The following SUN2 variants were observed in gnomAD, a reference collection of about 807,000 sequenced individuals.
SUN2 encodes the protein SUN domain-containing protein 2.
In SUN2, 60 loss-of-function variants were observed where a neutral mutation model predicts 100.0. The observed-to-expected ratio is 0.60, with a 90% confidence interval of 0.49 to 0.74. The LOEUF (loss-of-function observed/expected upper bound fraction) is 0.74. SUN2 is among the 30% of genes least tolerant of loss of function. SUN2 has a pLI of 0.00. For synonymous variants in SUN2, 367 were observed against 403.3 expected (o/e 0.91, Z 1.08); for missense variants, 834 against 954.6 (o/e 0.87, Z 1.66).
At position 38,735,150 on chromosome 22, in the gene SUN2, C is replaced by T. The variant is rs917501184; in HGVS notation, c.*1117G>A. 18 of 424,050 alleles carry T rather than the reference C, an allele frequency of 4.2e-5. No homozygotes were observed. Among genetic ancestry groups the T allele is most frequent in the Non-Finnish European group, 7.9e-5 (17 of 215,072 alleles). 26.3% of individuals were successfully genotyped at this position (424,050 alleles called of 1,614,324 possible). A position where few individuals can be genotyped will look rare whatever the true frequency, so the allele number is the denominator to read the frequency against. ...GTGGGGCCTGCTGGCTCTAAAAGTC[C>T]CCTCCTCCCCCTTCCCTATCCAGGG... On this transcript the variant is annotated 3_prime_UTR_variant, in exon 18 of 18. Transcript: ENST00000689035.
At chr22:38,736,709 T>C (rs566485033) in intron 17 of SUN2, 1 of 206,398 alleles carries the variant, frequency 4.8e-6, no homozygotes, top group African/African-American at 2.3e-5. Flanking sequence ...TGATTCTTTT[T>C]CTCCAGTGCC....
intron 8 of SUN2, 70 bp from the exon 9 acceptor site, chr22:38,742,625 G>A (rs910662554): frequency 2.4e-5 from 37 of 1,521,660 alleles, no homozygotes; most frequent in African/African-American, 5.5e-5. Flanking sequence ...AGACCACCCC[G>A]ACACAGCCAA....
intron 10 of SUN2, 100 bp from the exon 11 acceptor site, chr22:38,741,150 C>G (rs2092854098): frequency 1.5e-6 from 2 of 1,355,264 alleles, no homozygotes; most frequent in African/African-American, 1.4e-5. Context: ...TTAACCACAC[C>G]CCTGCCCAAG....
In SUN2 at chr22:38,749,808, A is replaced by G. The variant is rs2092930421; in HGVS notation, c.572T>C (p.Leu191Pro). The change falls in exon 6 of 18, where the codon CTG becomes CCG. Residue 191 changes from leucine to proline, a missense_variant. Physicochemically the swap from Leu to Pro is moderately conservative, Grantham distance 98. Transcript: ENST00000689035. ...GTCAAGGAGGGAGGCAGCTGTGGTC[A>G]GGCGGTACCAGGTGGTGCCAGCCCA... Reference protein sequence around the residue: ...YWWAGTTWYRLTTAASLLDVF... With the variant: ...YWWAGTTWYRPTTAASLLDVF... 3.1e-6 allele frequency: 5 copies of G among 1,613,984 alleles called. No homozygotes were observed. Among genetic ancestry groups the G allele is most frequent in the Admixed American group, 1.7e-5 (1 of 60,006 alleles).
intron 9 of SUN2, among the ~76,000 whole-genome samples, 151 bp downstream of exon 9, chr22:38,742,148 GAA>G (rs369861899): frequency 7.8e-6 from 1 of 127,728 alleles, no homozygotes; most frequent in African/African-American, 2.9e-5. Context: ...GTCTCAAAAA[GAA>G]AAAAAAAAAA....
Position 38,739,101 on chromosome 22 carries a change from T to A in SUN2, c.1664-113A>T. On this transcript the variant is annotated intron_variant, in intron 14 of 17. Coordinates refer to ENST00000689035, the MANE Select transcript of SUN2 (RefSeq NM_015374.3). The surrounding 1 kb of genome is among the most constrained non-coding windows in gnomAD (Gnocchi z 6.7). ...CGGCAGATGCCCCAGGCCTAGCCTT[T>A]AACCCTAACCGAGATGCTCAGAGCA... 9.0e-7 allele frequency: 1 copy of A among 1,112,564 alleles called. No individual in the cohort carries two copies. Among genetic ancestry groups the A allele is most frequent in the Non-Finnish European group, 1.3e-6 (1 of 754,344 alleles). The allele number at this position is 1,112,564 out of a possible 1,614,324, so 68.9% of individuals were successfully genotyped here. A position where few individuals can be genotyped will look rare whatever the true frequency, so the allele number is the denominator to read the frequency against.
In SUN2 at chr22:38,741,480, G is replaced by T. The variant is rs377107390; in HGVS notation, c.1146+14C>A. On this transcript the variant is annotated intron_variant, in intron 10 of 17. Transcript: ENST00000689035. ...GACCCAGTCACAGGCCCTGAGTGCC[G>T]CAAGCCCGCTGACCTGGGAGGCCCG... is the stretch of plus-strand genomic sequence containing the variant. The T allele has an allele frequency of 8.1e-6, 13 of 1,613,094 alleles. No homozygotes were observed. The Admixed American group carries it at 1.5e-4, about 19-fold the overall frequency.
Position 38,740,195 on chromosome 22 carries a change from T to G in SUN2, c.1356+72A>C. The G allele has an allele frequency of 6.9e-7, 1 of 1,451,742 alleles. No individual in the cohort carries two copies. The highest frequency in any genetic ancestry group is 9.1e-7 in the Non-Finnish European group (1 of 1,099,344). 89.9% of individuals were successfully genotyped at this position (1,451,742 alleles called of 1,614,324 possible). The stretch of plus-strand genomic sequence containing the variant: ...GCTGCAGGGGCAAGGGGTGCTGCTT[T>G]GCAGGCCCCAGGACACGTCGTCTCA... On this transcript the variant is annotated intron_variant, in intron 12 of 17. Coordinates refer to ENST00000689035, the MANE Select transcript of SUN2 (RefSeq NM_015374.3). The surrounding 1 kb of genome is among the most constrained non-coding windows in gnomAD (Gnocchi z 4.8).
chr22:38,738,264 C>A lies in SUN2; in HGVS notation c.1949G>T (p.Gly650Val), dbSNP rs1332354011. 1.9e-6 allele frequency: 3 copies of A among 1,613,380 alleles called. No homozygotes were observed. The highest frequency in any genetic ancestry group is 2.5e-6 in the Non-Finnish European group (3 of 1,179,644). The change falls in exon 17 of 18, where the codon GGG becomes GTG. Residue 650 changes from glycine (G) to valine (V), a missense_variant and splice_region_variant. Physicochemically the swap from Gly to Val is moderately radical, Grantham distance 109. Around this residue, in one of 3 missense-constraint regions of SUN2, gnomAD observed 195 missense variants for 280.2 expected, o/e 0.70. Coordinates refer to ENST00000689035, the MANE Select transcript of SUN2 (RefSeq NM_015374.3). The surrounding 1 kb of genome is among the most constrained non-coding windows in gnomAD (Gnocchi z 6.6). ...SSAPKDFAIF[G>V]FDEDLQQEGT... ...CTCCTGCTGCAGGTCTTCGTCAAACCCCTGCAAAGAGAGCGGAGGGAAGTG... is the reference window on the plus strand; with the variant it reads ...CTCCTGCTGCAGGTCTTCGTCAAACACCTGCAAAGAGAGCGGAGGGAAGTG...
Position 38,737,380 on chromosome 22 carries a change from C to G in SUN2, c.2040+793G>C, listed in dbSNP as rs1437940364. ...CGACCCTCCCTGCTACGTCTTTGTCCTCACTCCCAACGCCCCTCTCCCCCA... is the reference window on the plus strand; with the variant it reads ...CGACCCTCCCTGCTACGTCTTTGTCGTCACTCCCAACGCCCCTCTCCCCCA... On this transcript the variant is annotated intron_variant, in intron 17 of 17. Transcript: ENST00000689035. This position sits in a 1 kb window ranked among gnomAD's most constrained non-coding sequence, Gnocchi z 4.1. 6.6e-6 allele frequency among the ~76,000 whole-genome samples: 1 copy of G among 152,148 alleles called. No homozygotes were observed. The highest frequency in any genetic ancestry group is 1.5e-5 in the Non-Finnish European group (1 of 68,022).
At chr22:38,749,496 C>T (rs1048319952) in intron 6 of SUN2, among the ~76,000 whole-genome samples, 2 of 152,128 alleles carry the variant, frequency 1.3e-5, no homozygotes, top group Non-Finnish European at 2.9e-5. Context: ...ACTAGTGTGG[C>T]GTTTAGTAGA....
rs1026181151 is a variant in SUN2, at chr22:38,738,403, C to T, written c.1948-138G>A. 2.8e-6 allele frequency: 3 copies of T among 1,089,772 alleles called. No homozygotes were observed. Among genetic ancestry groups the T allele is most frequent in the South Asian group, 3.0e-5 (2 of 66,722 alleles). 67.5% of individuals were successfully genotyped at this position (1,089,772 alleles called of 1,614,324 possible). A position where few individuals can be genotyped will look rare whatever the true frequency, so the allele number is the denominator to read the frequency against. On this transcript the variant is annotated intron_variant, in intron 16 of 17. Transcript: ENST00000689035. The surrounding 1 kb of genome is among the most constrained non-coding windows in gnomAD (Gnocchi z 6.6). ...CAAGTCACTTCACTCTCTTGTGCCA[C>T]AGTTTCTGCCTCCAAAGCCTAAGGT...
intron 7 of SUN2, among the ~76,000 whole-genome samples, chr22:38,747,551 CT>C (rs1005276250): frequency 6.6e-6 from 1 of 152,168 alleles, no homozygotes; most frequent in African/African-American, 2.4e-5. Context: ...TCTTTAATTA[CT>C]TGGTGCAGTC....
chr22:38,751,610 C>G (rs1013817127), intron 2 of SUN2, among the ~76,000 whole-genome samples: 21 of 152,262 alleles, frequency 1.4e-4, no homozygotes, highest in African/African-American at 4.6e-4. Context: ...GATGGAGCCA[C>G]ATTCAAACTT....
chr22:38,741,488 G>C lies in SUN2; in HGVS notation c.1146+6C>G, dbSNP rs573493906. 6.2e-7 allele frequency: 1 copy of C among 1,613,606 alleles called. No homozygotes were observed. The highest frequency in any genetic ancestry group is 2.2e-5 in the East Asian group (1 of 44,882). On this transcript the variant is annotated splice_donor_region_variant and intron_variant, in intron 10 of 17. Coordinates refer to ENST00000689035, the MANE Select transcript of SUN2 (RefSeq NM_015374.3). ...CACAGGCCCTGAGTGCCGCAAGCCC[G>C]CTGACCTGGGAGGCCCGGACGATCT...
intron 2 of SUN2, 76 bp from the exon 3 acceptor site, chr22:38,751,449 C>T (rs531019642): frequency 1.7e-5 from 27 of 1,549,014 alleles, no homozygotes; most frequent in Non-Finnish European, 1.9e-5. Context: ...AAAGCCACAG[C>T]CTGCGGCCCT....
rs1229008286 is a variant in SUN2 at position 38,748,770 on chromosome 22, G to T, written c.628C>A (p.Leu210Met). Residue 210 changes from leucine to methionine, a missense_variant, in exon 7 of 18, where the codon CTG becomes ATG. By Grantham distance (15) the Leu-to-Met change is conservative. Around this residue, in one of 3 missense-constraint regions of SUN2, gnomAD observed 559 missense variants for 597.7 expected, o/e 0.94. Transcript: ENST00000689035. ...VFVLTRRFSS[L>M]KTFLWFLLPL... is the part of the protein sequence containing the mutation. ...AGCAGGAACCAGAGGAACGTCTTCAGGGACGAGAAGCGCCTGGACCACGCG... is the reference window on the plus strand; with the variant it reads ...AGCAGGAACCAGAGGAACGTCTTCATGGACGAGAAGCGCCTGGACCACGCG... 6.2e-7 allele frequency: 1 copy of T among 1,614,250 alleles called. No homozygotes were observed. Among genetic ancestry groups the T allele is most frequent in the South Asian group, 1.1e-5 (1 of 91,086 alleles).
Position 38,755,075 on chromosome 22 carries a change from T to A in SUN2, c.-38+688A>T. 9.8e-7 allele frequency: 1 copy of A among 1,021,504 alleles called. No homozygotes were observed. The highest frequency in any genetic ancestry group is 1.3e-6 in the Non-Finnish European group (1 of 782,428). 63.3% of individuals were successfully genotyped at this position (1,021,504 alleles called of 1,614,324 possible). On this transcript the variant is annotated intron_variant, in intron 1 of 17. Coordinates refer to ENST00000689035, the MANE Select transcript of SUN2 (RefSeq NM_015374.3). This position sits in a 1 kb window ranked among gnomAD's most constrained non-coding sequence, Gnocchi z 5.7. ...ATCGGAAAGCATCCTTCCCCACTTCTCAGCTGGGCGACTTCCTTTCTCAAT... is the reference window on the plus strand; with the variant it reads ...ATCGGAAAGCATCCTTCCCCACTTCACAGCTGGGCGACTTCCTTTCTCAAT...
chr22:38,747,299 T>C (rs1396052287), intron 7 of SUN2, among the ~76,000 whole-genome samples: 1 of 145,644 alleles, frequency 6.9e-6, no homozygotes, highest in Non-Finnish European at 1.5e-5. Context: ...GCCACAGCAC[T>C]CGAGCCTGGG....
Sources: allele counts gnomAD v4.1 joint callset (sites outside exome capture counted in the v4.1 genomes callset), GRCh38; gene constraint gnomAD v4.1.1; regional missense constraint gnomAD v4.1.1; non-coding constraint Gnocchi (gnomAD v3.1); transcripts MANE v1.5; gene names NCBI Gene and HGNC (gene_info 2026-07-23, HGNC 2026-07-21).